The following GALNTL6 variants were observed in gnomAD, a reference collection of about 807,000 sequenced individuals.
The protein encoded by GALNTL6 is polypeptide N-acetylgalactosaminyltransferase-like 6.
GALNTL6 carries 46 observed loss-of-function variants against 73.7 expected under a neutral mutation model. The observed-to-expected ratio is 0.62, with a 90% CI of 0.49 to 0.80. The LOEUF is 0.80. GALNTL6 is among the 30% of genes least tolerant of loss of function. The probability of loss-of-function intolerance (pLI) is 0.00; values close to 1 mark genes in which losing one functional copy is unlikely to be tolerated. For synonymous variants in GALNTL6, 259 were observed against 263.7 expected (o/e 0.98, Z 0.17); for missense variants, 604 against 755.0 (o/e 0.80, Z 2.34).
chr4:172,545,860 G>C (rs1735726120), intron 5 of GALNTL6: 1 of 151,986 alleles, frequency 6.6e-6, no homozygotes, highest in Admixed American at 6.6e-5. Context: ...GTGACAGAAG[G>C]GCCAACCTTT....
intron 5 of GALNTL6, among the ~76,000 whole-genome samples, chr4:172,355,760 C>T (rs1310281688): frequency 6.6e-6 from 1 of 152,062 alleles, no homozygotes; most frequent in Non-Finnish European, 1.5e-5. Context: ...GATGATTAAT[C>T]TCATTTAGTT....
intron 4 of GALNTL6, among the ~76,000 whole-genome samples, chr4:172,345,934 A>G (rs1285697967): frequency 1.3e-5 from 2 of 152,150 alleles, no homozygotes; most frequent in African/African-American, 2.4e-5. Flanking sequence ...CCATACGACT[A>G]TTTATTCTCT....
intron 5 of GALNTL6, among the ~76,000 whole-genome samples, chr4:172,425,067 A>G (rs1731180160): frequency 6.6e-6 from 1 of 152,138 alleles, no homozygotes; most frequent in South Asian, 2.1e-4. Flanking sequence ...GAATTTATGC[A>G]TATACTACAG....
At chr4:172,342,525 A>T (rs1186627700) in intron 4 of GALNTL6, among the ~76,000 whole-genome samples, 1 of 152,038 alleles carries the variant, frequency 6.6e-6, no homozygotes, top group Admixed American at 6.6e-5. Flanking sequence ...ACTCTCTAAA[A>T]CTCTGTCTCA....
At chr4:172,895,760 G>A (rs1436990903) in intron 8 of GALNTL6, among the ~76,000 whole-genome samples, 5 of 151,860 alleles carry the variant, frequency 3.3e-5, no homozygotes, top group Non-Finnish European at 7.4e-5. Flanking sequence ...CTGAATATTT[G>A]CCCTTTTGAT....
chr4:172,628,422 A>G lies in GALNTL6; in HGVS notation c.554-180939A>G, dbSNP rs186108310. ...TATTTAACCTTGGATTAAATTTTTTATCAAGTATTTAAACTCTGCTGCAGG... is the reference window on the plus strand; with the variant it reads ...TATTTAACCTTGGATTAAATTTTTTGTCAAGTATTTAAACTCTGCTGCAGG... On this transcript the variant is annotated intron_variant, in intron 5 of 12. Transcript: ENST00000506823. 6.6e-5 allele frequency among the ~76,000 whole-genome samples: 10 copies of G among 152,262 alleles called. No homozygotes were observed. In the East Asian group the frequency reaches 1.9e-3, roughly 29 times the overall value.
At chr4:172,219,215 A>ATATATATATATATATATATATG in intron 2 of GALNTL6, among the ~76,000 whole-genome samples, 1 of 146,882 alleles carries the variant, frequency 6.8e-6, no homozygotes, top group East Asian at 2.0e-4. Flanking sequence ...ATATATATAT[A>ATATATATATATATATATATATG]TATATATAAT....
rs368396643 is a variant in GALNTL6 at position 172,540,513 on chromosome 4, A to T, written c.553+191824A>T. ...AGGTTTATTCTGAGCCAATATGAGCAACTGCATCCTGGAGAAAAATACAAA... is the reference window on the plus strand; with the variant it reads ...AGGTTTATTCTGAGCCAATATGAGCTACTGCATCCTGGAGAAAAATACAAA... On this transcript the variant is annotated intron_variant, in intron 5 of 12. Coordinates refer to ENST00000506823, the MANE Select transcript of GALNTL6 (RefSeq NM_001034845.3). 2.4e-4 allele frequency among the ~76,000 whole-genome samples: 37 copies of T among 152,324 alleles called. 3 individuals are homozygous for T. Among genetic ancestry groups the T allele is most frequent in the Admixed American group, 1.4e-3 (21 of 15,306 alleles).
At chr4:172,882,750 C>T (rs372373796) in intron 7 of GALNTL6, 40 bp from the exon 8 acceptor site, 204 of 1,239,576 alleles carry the variant, frequency 1.6e-4, no homozygotes, top group Non-Finnish European at 2.2e-4. Context: ...TTGTCTGTAA[C>T]GTTCATAGTC....
chr4:172,377,499 T>C (rs11132939), intron 5 of GALNTL6, among the ~76,000 whole-genome samples: 146,046 of 152,280 alleles, frequency 0.96, 70,305 homozygotes, highest in South Asian at 1. Context: ...GCTGGGGCCA[T>C]GGGCGGAGCT....
chr4:171,966,710 C>T (rs1046721739), intron 2 of GALNTL6, among the ~76,000 whole-genome samples: 1 of 152,100 alleles, frequency 6.6e-6, no homozygotes, highest in African/African-American at 2.4e-5. Flanking sequence ...TATCTTATTT[C>T]TTGCCTGGTT....
At position 172,480,319 on chromosome 4, in the gene GALNTL6, G is replaced by GA. The variant is rs78849420; in HGVS notation, c.553+131641dup. 4.7e-4 allele frequency among the ~76,000 whole-genome samples: 67 copies of GA among 143,520 alleles called. 1 individual carries two copies. Among genetic ancestry groups the GA allele is most frequent in the South Asian group, 1.3e-3 (6 of 4,506 alleles). 94.2% of individuals were successfully genotyped at this position (143,520 alleles called of 152,430 possible). ...CAGGGCGAGGCCCTGTCTCAAAAAA[G>GA]AAAAAAAAAAAGTCATAACTCGTGG... is the stretch of plus-strand genomic sequence containing the variant. On this transcript the variant is annotated intron_variant, in intron 5 of 12. Coordinates refer to ENST00000506823, the MANE Select transcript of GALNTL6 (RefSeq NM_001034845.3).
intron 2 of GALNTL6, among the ~76,000 whole-genome samples, chr4:171,916,280 G>T (rs1737624808): frequency 6.6e-6 from 1 of 151,890 alleles, no homozygotes; most frequent in African/African-American, 2.4e-5. Flanking sequence ...ATACTTTGCA[G>T]ACTTAGTTGT....
At chr4:172,681,573 T>C (rs1732634757) in intron 5 of GALNTL6, among the ~76,000 whole-genome samples, 1 of 152,192 alleles carries the variant, frequency 6.6e-6, no homozygotes, top group Non-Finnish European at 1.5e-5. Context: ...ATGTGTTTCT[T>C]AGCAAAAAAT....
intron 2 of GALNTL6, among the ~76,000 whole-genome samples, chr4:171,995,780 T>G (rs1394852): frequency 0.98 from 148,966 of 152,040 alleles, 73,048 homozygotes; most frequent in Middle Eastern, 1. Flanking sequence ...AGAAGCTAAA[T>G]GATTCATTTA....
At chr4:172,983,716 A>G (rs79151929) in intron 10 of GALNTL6, among the ~76,000 whole-genome samples, 1 of 152,248 alleles carries the variant, frequency 6.6e-6, no homozygotes, top group Non-Finnish European at 1.5e-5. Context: ...ATATATATGA[A>G]TAATAATAGT....
At chr4:172,851,803 G>A (rs1460655698) in intron 7 of GALNTL6, among the ~76,000 whole-genome samples, 2 of 152,148 alleles carry the variant, frequency 1.3e-5, no homozygotes, top group East Asian at 3.9e-4. Context: ...TCTTGTCAGG[G>A]GTAGGGAGAG....
chr4:171,931,060 G>A (rs1328206272), intron 2 of GALNTL6, among the ~76,000 whole-genome samples: 2 of 152,142 alleles, frequency 1.3e-5, no homozygotes, highest in Non-Finnish European at 2.9e-5. Context: ...TCCCCAGAAT[G>A]GTTTAGTAAT....
At chr4:172,808,823 A>C (rs1741122966) in intron 5 of GALNTL6, among the ~76,000 whole-genome samples, 1 of 152,216 alleles carries the variant, frequency 6.6e-6, no homozygotes, top group African/African-American at 2.4e-5. Context: ...TTTCCACTTC[A>C]AATCAGAAGC....
Sources: allele counts gnomAD v4.1 joint callset (sites outside exome capture counted in the v4.1 genomes callset), GRCh38; gene constraint gnomAD v4.1.1; transcripts MANE v1.5; gene names NCBI Gene and HGNC (gene_info 2026-07-23, HGNC 2026-07-21).